PCDH7: variants seen among roughly 807,000 people sequenced by gnomAD.
PCDH7 encodes protocadherin 7.
In PCDH7, 17 loss-of-function variants were observed where a neutral mutation model predicts 58.9. That is an observed-to-expected ratio of 0.29 (90% confidence interval 0.20 to 0.43). PCDH7 has a LOEUF of 0.43. PCDH7 is among the 20% of genes least tolerant of loss of function. The pLI, the probability that PCDH7 is intolerant of heterozygous loss-of-function variation, is 1.00. For synonymous variants in PCDH7, 664 were observed against 616.4 expected (o/e 1.08, Z -1.14); for missense variants, 1,274 against 1,441.0 (o/e 0.88, Z 1.88).
In PCDH7 at chr4:31,142,526, G is replaced by A. The variant is rs370885617; in HGVS notation, c.*61G>A. ...GACTGGGAAGTGCACTCGTGAGTGT[G>A]ATGAGTATGGCCACTCAGACTCCTG... On this transcript the variant is annotated 3_prime_UTR_variant, in exon 4 of 4. Coordinates refer to the PCDH7 transcript ENST00000509759. The A allele has an allele frequency of 8.0e-6, 11 of 1,367,726 alleles. No homozygotes were observed. In the African/African-American group the frequency reaches 1.6e-4, roughly 20 times the overall value. 84.7% of individuals were successfully genotyped at this position (1,367,726 alleles called of 1,614,324 possible).
intron 3 of PCDH7, among the ~76,000 whole-genome samples, chr4:31,075,863 C>T (rs976448716): frequency 6.6e-6 from 1 of 152,120 alleles, no homozygotes; most frequent in African/African-American, 2.4e-5. Context: ...AAAATTTCTT[C>T]AGTGTATCTC....
chr4:30,991,723 A>G (rs1269767689), intron 3 of PCDH7, among the ~76,000 whole-genome samples: 1 of 152,110 alleles, frequency 6.6e-6, no homozygotes, highest in Non-Finnish European at 1.5e-5. Context: ...GTAATTCTAG[A>G]TTATTTTTCT....
At chr4:30,944,370 A>G (rs1027719184) in intron 2 of PCDH7, among the ~76,000 whole-genome samples, 4 of 152,098 alleles carry the variant, frequency 2.6e-5, no homozygotes, top group African/African-American at 9.7e-5. Context: ...GACTATTTTC[A>G]AACATATATA....
At chr4:30,833,051 AT>A (rs964275187) in intron 1 of PCDH7, among the ~76,000 whole-genome samples, 1 of 152,062 alleles carries the variant, frequency 6.6e-6, no homozygotes, top group African/African-American at 2.4e-5. Context: ...TTGTGACAGT[AT>A]TTACTGGACA....
At chr4:31,073,173 A>G (rs1758695364) in intron 3 of PCDH7, among the ~76,000 whole-genome samples, 1 of 152,150 alleles carries the variant, frequency 6.6e-6, no homozygotes, top group Admixed American at 6.6e-5. Context: ...TTTGGGGTAG[A>G]AGGCCTTGAT....
chr4:31,086,435 A>G (rs576724156), intron 3 of PCDH7, among the ~76,000 whole-genome samples: 1 of 152,268 alleles, frequency 6.6e-6, no homozygotes, highest in Admixed American at 6.5e-5. Flanking sequence ...ATCTCATTAT[A>G]TATACAGATG....
intron 1 of PCDH7, among the ~76,000 whole-genome samples, chr4:30,871,821 T>G (rs553834174): frequency 6.6e-6 from 1 of 152,192 alleles, no homozygotes; most frequent in East Asian, 1.9e-4. Flanking sequence ...GGTAGCAACC[T>G]TCGTCACCCC....
At chr4:30,816,238 T>C (rs1018931746) in intron 1 of PCDH7, among the ~76,000 whole-genome samples, 2 of 152,182 alleles carry the variant, frequency 1.3e-5, no homozygotes, top group Non-Finnish European at 2.9e-5. Context: ...TTTAAAGAAA[T>C]TCAAATGATG....
chr4:30,860,244 C>A (rs575979229), intron 1 of PCDH7, among the ~76,000 whole-genome samples: 5 of 152,018 alleles, frequency 3.3e-5, no homozygotes, highest in African/African-American at 9.6e-5. Context: ...AAAATCATGA[C>A]CTCTCTCTCT....
chr4:31,121,059 C>A (rs147537314), intron 3 of PCDH7, among the ~76,000 whole-genome samples: 1 of 152,228 alleles, frequency 6.6e-6, no homozygotes, highest in East Asian at 1.9e-4. Context: ...ATAACTTAGC[C>A]ATTTATCTTA....
chr4:30,721,408 C>T lies in PCDH7; in HGVS notation c.-15C>T. 6.8e-7 allele frequency: 1 copy of T among 1,479,072 alleles called. No individual in the cohort carries two copies. Among genetic ancestry groups the T allele is most frequent in the Non-Finnish European group, 9.0e-7 (1 of 1,116,856 alleles). 91.6% of individuals were successfully genotyped at this position (1,479,072 alleles called of 1,614,324 possible). A position where few individuals can be genotyped will look rare whatever the true frequency, so the allele number is the denominator to read the frequency against. ...CTGTGGTTAGAAGGAGCAGTAGCAGCAGCAGCAGGAGAAGATGCTGAGGAT... is the reference window on the plus strand; with the variant it reads ...CTGTGGTTAGAAGGAGCAGTAGCAGTAGCAGCAGGAGAAGATGCTGAGGAT... On this transcript the variant is annotated 5_prime_UTR_variant, in exon 1 of 2. Transcript: ENST00000361762. This position sits in a 1 kb window ranked among gnomAD's most constrained non-coding sequence, Gnocchi z 6.7.
At chr4:30,896,800 C>T (rs949790932) in intron 1 of PCDH7, among the ~76,000 whole-genome samples, 17 of 149,022 alleles carry the variant, frequency 1.1e-4, no homozygotes, top group Admixed American at 7.4e-4. Context: ...GCAATTTGCA[C>T]GTATCTTTGC....
intron 1 of PCDH7, among the ~76,000 whole-genome samples, chr4:30,852,686 G>T (rs1281353215): frequency 1.3e-5 from 2 of 151,780 alleles, no homozygotes; most frequent in Non-Finnish European, 2.9e-5. Context: ...TAATAATATT[G>T]TGCCCTCCAA....
chr4:30,843,246 G>A (rs1374461645), intron 1 of PCDH7, among the ~76,000 whole-genome samples: 2 of 152,014 alleles, frequency 1.3e-5, no homozygotes, highest in Non-Finnish European at 2.9e-5. Flanking sequence ...CTGTTGCCCA[G>A]GGTGGAGTGC....
intron 1 of PCDH7, among the ~76,000 whole-genome samples, chr4:30,801,623 T>C (rs1048062446): frequency 6.6e-6 from 1 of 152,222 alleles, no homozygotes; most frequent in African/African-American, 2.4e-5. Context: ...CCTAATAGCA[T>C]ATTTTGTTTT....
chr4:30,775,897 A>C (rs551920387), intron 1 of PCDH7, among the ~76,000 whole-genome samples: 69 of 147,988 alleles, frequency 4.7e-4, no homozygotes, highest in African/African-American at 1.7e-3. Flanking sequence ...ACTCCATTGC[A>C]AAAAAAAAAG....
At chr4:31,054,907 A>G (rs933779181) in intron 3 of PCDH7, among the ~76,000 whole-genome samples, 7 of 152,198 alleles carry the variant, frequency 4.6e-5, no homozygotes, top group African/African-American at 1.7e-4. Flanking sequence ...AGTTTATGAA[A>G]TCTATCAACC....
chr4:31,115,238 C>G (rs1480868969), intron 3 of PCDH7, among the ~76,000 whole-genome samples: 2 of 152,052 alleles, frequency 1.3e-5, no homozygotes, highest in Non-Finnish European at 2.9e-5. Flanking sequence ...TGCAAAGAGG[C>G]TTATGAACAA....
chr4:31,088,697 A>G (rs972563350), intron 3 of PCDH7, among the ~76,000 whole-genome samples: 6 of 152,054 alleles, frequency 3.9e-5, no homozygotes, highest in Admixed American at 1.3e-4. Context: ...GTCTTTTAAA[A>G]GAGTGTATTT....
Sources: gnomAD v4.1 joint callset for allele counts (sites outside exome capture counted in the v4.1 genomes callset) on GRCh38, gnomAD v4.1.1 for gene constraint, Gnocchi (gnomAD v3.1) non-coding constraint, MANE v1.5 for transcripts, NCBI Gene and HGNC (gene_info 2026-07-23, HGNC 2026-07-21) for gene names.